DOCK6: variants seen among roughly 807,000 people sequenced by gnomAD.
The protein encoded by DOCK6 is dedicator of cytokinesis 6.
DOCK6 carries 167 observed loss-of-function variants against 230.3 expected under a neutral mutation model. That is an observed-to-expected ratio of 0.73 (90% CI 0.64 to 0.82). The LOEUF is 0.82. Among genes scored for constraint, DOCK6 ranks in the 40% least tolerant of loss-of-function variants. The probability of loss-of-function intolerance (pLI) is 0.00; values close to 1 mark genes in which losing one functional copy is unlikely to be tolerated. For missense variants in DOCK6, 2,598 were observed against 2,825.8 expected (o/e 0.92, Z 1.83); for synonymous variants, 1,148 against 1,185.0 (o/e 0.97, Z 0.64).
At chr19:11,215,315 G>A in intron 32 of DOCK6, 72 bp downstream of exon 32, 1 of 1,401,162 alleles carries the variant, frequency 7.1e-7, no homozygotes, top group South Asian at 1.2e-5. Context: ...TCGAACTCCT[G>A]GACTCAAGCA....
Position 11,202,796 on chromosome 19 carries a change from A to T in DOCK6, c.5236-87T>A. On this transcript the variant is annotated intron_variant, in intron 41 of 47. Coordinates refer to ENST00000294618, the MANE Select transcript of DOCK6 (RefSeq NM_020812.4). This position sits in a 1 kb window ranked among gnomAD's most constrained non-coding sequence, Gnocchi z 5.3. ...AGAGATAGGTGTCTCGAATATCAGGATGGGAGTGTGAGGACCCCGAGAACA... is the reference window on the plus strand; with the variant it reads ...AGAGATAGGTGTCTCGAATATCAGGTTGGGAGTGTGAGGACCCCGAGAACA... 6.3e-7 allele frequency: 1 copy of T among 1,597,432 alleles called. No individual in the cohort carries two copies. The highest frequency in any genetic ancestry group is 1.7e-5 in the Admixed American group (1 of 59,960).
intron 1 of DOCK6, among the ~76,000 whole-genome samples, chr19:11,256,637 G>A (rs2080201916): frequency 6.6e-6 from 1 of 152,122 alleles, no homozygotes; most frequent in Admixed American, 6.6e-5. Flanking sequence ...TAGGCAGCTG[G>A]GATTTCTGAC....
Position 11,199,441 on chromosome 19 carries a change from A to G in DOCK6, c.*56T>C. 1 of 1,550,914 alleles carries G rather than the reference A, an allele frequency of 6.4e-7. No homozygotes were observed. The highest frequency in any genetic ancestry group is 8.7e-7 in the Non-Finnish European group (1 of 1,145,156). ...CCAGGGCAGACTCCCCTCGCAGCAC[A>G]GACAGCTGAGGCCCGGGTGCTGGTT... On this transcript the variant is annotated 3_prime_UTR_variant, in exon 48 of 48. Coordinates refer to ENST00000294618, the MANE Select transcript of DOCK6 (RefSeq NM_020812.4).
chr19:11,218,272 G>A (rs1244052214), intron 28 of DOCK6, among the ~76,000 whole-genome samples: 2 of 151,864 alleles, frequency 1.3e-5, no homozygotes, highest in Non-Finnish European at 2.9e-5. Context: ...TCAGCCTCCC[G>A]AGTAGCTGGT....
rs1428556170 is a variant in DOCK6 at position 11,245,836 on chromosome 19, C to G, written c.849G>C (p.Leu283=). The part of the protein sequence containing the change: ...EIEPIFGILA[L]YDVREKKKIS... ...CCTTCTTTTTCTCCCGCACATCATACAGAGCCAAGATCCCAAAGATGGGCT... is the reference window on the plus strand; with the variant it reads ...CCTTCTTTTTCTCCCGCACATCATAGAGAGCCAAGATCCCAAAGATGGGCT... Residue 283 remains leucine (L), a synonymous_variant, in exon 8 of 48, where the codon CTG becomes CTC. Coordinates refer to ENST00000294618, the MANE Select transcript of DOCK6 (RefSeq NM_020812.4). The G allele has an allele frequency of 6.4e-7, 1 of 1,572,366 alleles. No homozygotes were observed. The highest frequency in any genetic ancestry group is 1.2e-5 in the South Asian group (1 of 85,666).
At position 11,222,368 on chromosome 19, in the gene DOCK6, T is replaced by G. The variant is rs1026168673; in HGVS notation, c.3241-120A>C. On this transcript the variant is annotated intron_variant, in intron 26 of 47. Coordinates refer to ENST00000294618, the MANE Select transcript of DOCK6 (RefSeq NM_020812.4). This position sits in a 1 kb window ranked among gnomAD's most constrained non-coding sequence, Gnocchi z 4.0. ...GTGCCAATAGCCACAGATGAAAGACTGATGTTAAGTCATCTGGAGGTGACA... is the reference window on the plus strand; with the variant it reads ...GTGCCAATAGCCACAGATGAAAGACGGATGTTAAGTCATCTGGAGGTGACA... 5 of 1,348,772 alleles carry G rather than the reference T, an allele frequency of 3.7e-6. No individual in the cohort carries two copies. The African/African-American group carries it at 7.3e-5, about 20-fold the overall frequency. 83.6% of individuals were successfully genotyped at this position (1,348,772 alleles called of 1,614,324 possible).
At chr19:11,254,761 A>G (rs1310219881) in intron 1 of DOCK6, among the ~76,000 whole-genome samples, 1 of 151,920 alleles carries the variant, frequency 6.6e-6, no homozygotes, top group Non-Finnish European at 1.5e-5. Flanking sequence ...AATGTGGAGC[A>G]GAGCCAGTGG....
intron 28 of DOCK6, among the ~76,000 whole-genome samples, chr19:11,220,283 C>G (rs1415584041): frequency 2.0e-5 from 3 of 152,172 alleles, no homozygotes; most frequent in Non-Finnish European, 4.4e-5. Flanking sequence ...CCTCAACAGT[C>G]TGGTTCCCAA....
chr19:11,230,572 C>T (rs567060353), intron 22 of DOCK6, among the ~76,000 whole-genome samples: 1 of 88,538 alleles, frequency 1.1e-5, no homozygotes, highest in African/African-American at 4.4e-5. Context: ...TGAGTGTAGA[C>T]GAGGTGTAGA....
chr19:11,207,646 G>T (rs1055703816), intron 39 of DOCK6, among the ~76,000 whole-genome samples: 1 of 151,590 alleles, frequency 6.6e-6, no homozygotes, highest in African/African-American at 2.4e-5. Flanking sequence ...TTAAAAATTG[G>T]CAGGGTGTAG....
chr19:11,251,112 T>G, intron 5 of DOCK6, 26 bp from the exon 6 acceptor site: 1 of 1,590,526 alleles, frequency 6.3e-7, no homozygotes, highest in South Asian at 1.1e-5. Context: ...GTGCAAGCAC[T>G]GAGTGCCAGC....
rs762281671 is a variant in DOCK6 at position 11,202,454 on chromosome 19, G to A, written c.5391C>T (p.Asp1797=). ...EEFYTERFGD[D]VVEIIKDSNP... The stretch of plus-strand genomic sequence containing the variant: ...TAGAGTCTTTGATAATCTCAACGAC[G>A]TCGTCGCCAAATCTCTCCGTGTAGA... The change falls in exon 43 of 48, where the codon GAC becomes GAT. Residue 1797 remains aspartate, a synonymous_variant. Transcript: ENST00000294618. This position sits in a 1 kb window ranked among gnomAD's most constrained non-coding sequence, Gnocchi z 5.3. The A allele has an allele frequency of 1.2e-5, 19 of 1,613,422 alleles. No individual in the cohort carries two copies. The highest frequency in any genetic ancestry group is 1.5e-5 in the Non-Finnish European group (18 of 1,179,654).
At position 11,205,370 on chromosome 19, in the gene DOCK6, AT is replaced by A. The variant is rs913815037; in HGVS notation, c.5089-1040del. On this transcript the variant is annotated intron_variant, in intron 39 of 47. Coordinates refer to ENST00000294618, the MANE Select transcript of DOCK6 (RefSeq NM_020812.4). ...TCCCTCCCCTTAACCCCACCCGTGT[AT>A]TTTTTTTTTTGAGATGGCTGCAGTC... Among the ~76,000 whole-genome samples, 203 of 146,278 alleles carry A rather than the reference AT, an allele frequency of 1.4e-3. 1 individual carries two copies. Among genetic ancestry groups the A allele is most frequent in the South Asian group, 5.0e-3 (23 of 4,630 alleles).
intron 28 of DOCK6, 46 bp downstream of exon 28, chr19:11,221,805 C>G (rs985993092): frequency 1.5e-5 from 24 of 1,613,174 alleles, no homozygotes; most frequent in Non-Finnish European, 2.0e-5. Context: ...CCTTCTGTGA[C>G]CAAGTCCCTG....
intron 7 of DOCK6, 60 bp downstream of exon 7, chr19:11,248,006 C>T (rs924156327): frequency 4.1e-5 from 61 of 1,470,078 alleles, no homozygotes; most frequent in African/African-American, 3.9e-4. Flanking sequence ...GTGTGTACCC[C>T]GCCGGAACCC....
chr19:11,261,578 C>A (rs978376955), intron 1 of DOCK6, among the ~76,000 whole-genome samples: 5 of 151,012 alleles, frequency 3.3e-5, no homozygotes, highest in African/African-American at 1.2e-4. Flanking sequence ...GTCGCAAAGA[C>A]CCCCCGCCAA....
chr19:11,200,647 G>C lies in DOCK6; in HGVS notation c.5939+69C>G. 5.3e-6 allele frequency: 8 copies of C among 1,515,158 alleles called. No individual in the cohort carries two copies. Among genetic ancestry groups the C allele is most frequent in the South Asian group, 1.2e-5 (1 of 84,284 alleles). 93.9% of individuals were successfully genotyped at this position (1,515,158 alleles called of 1,614,324 possible). ...AGATGGGGGAGCCATGCAGAGATCA[G>C]ATGGGCAGAGAGCAGGCCTATGCAG... is the stretch of plus-strand genomic sequence containing the variant. On this transcript the variant is annotated intron_variant, in intron 46 of 47. Transcript: ENST00000294618. The surrounding 1 kb of genome is among the most constrained non-coding windows in gnomAD (Gnocchi z 4.3).
At chr19:11,234,961 G>A (rs1159463835) in intron 21 of DOCK6, among the ~76,000 whole-genome samples, 1 of 141,204 alleles carries the variant, frequency 7.1e-6, no homozygotes, top group Non-Finnish European at 1.5e-5. Context: ...TTTTTTTTTT[G>A]AAACAGGGTC....
intron 14 of DOCK6, chr19:11,240,276 C>T (rs756968391): frequency 2.2e-5 from 35 of 1,582,688 alleles, no homozygotes; most frequent in Admixed American, 9.3e-5. Flanking sequence ...CCCTGCCTAC[C>T]GAGAATTTGA....
Sources: gnomAD v4.1 joint callset for allele counts (sites outside exome capture counted in the v4.1 genomes callset) on GRCh38, gnomAD v4.1.1 for gene constraint, Gnocchi (gnomAD v3.1) non-coding constraint, MANE v1.5 for transcripts, NCBI Gene and HGNC (gene_info 2026-07-23, HGNC 2026-07-21) for gene names.